Variants in FAM227B observed in about 807,000 individuals in gnomAD.
FAM227B encodes the protein protein FAM227B.
FAM227B carries 88 observed loss-of-function variants against 73.8 expected under a neutral mutation model. The observed-to-expected ratio is 1.19, with a 90% CI of 1.00 to 1.42. The LOEUF (loss-of-function observed/expected upper bound fraction) is 1.42, where lower values mean the gene tolerates loss of function less well. FAM227B is among the 40% of genes most tolerant of loss of function. FAM227B has a pLI of 0.00. For synonymous variants in FAM227B, 210 were observed against 190.5 expected (o/e 1.10, Z -0.84); for missense variants, 632 against 590.9 (o/e 1.07, Z -0.72).
intron 11 of FAM227B, among the ~76,000 whole-genome samples, chr15:49,393,660 G>A (rs1168983848): frequency 2.0e-5 from 3 of 152,006 alleles, no homozygotes; most frequent in Non-Finnish European, 4.4e-5. Flanking sequence ...ATACAATAAG[G>A]ATTGGCTCTT....
chr15:49,371,671 A>AATAAATAAATGAAATAAAATTCACTT (rs1567171677), intron 11 of FAM227B, among the ~76,000 whole-genome samples: 98 of 145,746 alleles, frequency 6.7e-4, no homozygotes, highest in Non-Finnish European at 1.0e-3. Flanking sequence ...AAAATTCACT[A>AATAAATAAATGAAATAAAATTCACTT]ATAAATAAAT....
At chr15:49,357,357 AAG>A (rs1234332945) in intron 13 of FAM227B, among the ~76,000 whole-genome samples, 1 of 149,646 alleles carries the variant, frequency 6.7e-6, no homozygotes, top group Non-Finnish European at 1.5e-5. Flanking sequence ...TAAAGAAAAA[AAG>A]AGAGAAGAAT....
At chr15:49,567,213 C>T (rs1174274403) in intron 9 of FAM227B, among the ~76,000 whole-genome samples, 2 of 152,092 alleles carry the variant, frequency 1.3e-5, no homozygotes, top group Admixed American at 1.3e-4. Flanking sequence ...CATGCCTAAT[C>T]ATTAACTTTT....
chr15:49,571,400 T>C (rs1327439461), intron 8 of FAM227B, among the ~76,000 whole-genome samples: 1 of 151,996 alleles, frequency 6.6e-6, no homozygotes, highest in Admixed American at 6.6e-5. Context: ...TGCCTGTACA[T>C]TTGGCTTCAT....
At chr15:49,442,319 G>T (rs2051735589) in intron 11 of FAM227B, among the ~76,000 whole-genome samples, 1 of 151,484 alleles carries the variant, frequency 6.6e-6, no homozygotes, top group African/African-American at 2.4e-5. Flanking sequence ...CCATTCTTCA[G>T]GGCCCAGATT....
At chr15:49,413,390 TC>T (rs1290393279) in intron 11 of FAM227B, among the ~76,000 whole-genome samples, 1 of 152,104 alleles carries the variant, frequency 6.6e-6, no homozygotes, top group East Asian at 1.9e-4. Flanking sequence ...TTGTGAGGCC[TC>T]CCCAACCATG....
chr15:49,469,888 G>A (rs1225785254), intron 11 of FAM227B, among the ~76,000 whole-genome samples: 1 of 151,938 alleles, frequency 6.6e-6, no homozygotes, highest in East Asian at 1.9e-4. Context: ...AATGAGAAAT[G>A]GTGATAAAGA....
intron 2 of FAM227B, among the ~76,000 whole-genome samples, chr15:49,612,080 T>A (rs1379335591): frequency 2.0e-5 from 3 of 151,844 alleles, no homozygotes; most frequent in Non-Finnish European, 4.4e-5. Context: ...AGCCGGCCAA[T>A]TCCTTGGAGA....
intron 11 of FAM227B, chr15:49,422,632 G>C (rs113493002): frequency 0.025 from 27,102 of 1,094,186 alleles, 909 homozygotes; most frequent in South Asian, 0.12. Flanking sequence ...CTGAGACTCT[G>C]GAACAGCAGG....
At chr15:49,602,841 T>C (rs1567683164) in intron 3 of FAM227B, among the ~76,000 whole-genome samples, 1 of 152,122 alleles carries the variant, frequency 6.6e-6, no homozygotes, top group Non-Finnish European at 1.5e-5. Flanking sequence ...GAGATAGGGG[T>C]CTAGTTTCAT....
chr15:49,539,529 G>A (rs918669850), intron 10 of FAM227B, among the ~76,000 whole-genome samples: 2 of 152,164 alleles, frequency 1.3e-5, no homozygotes, highest in Non-Finnish European at 2.9e-5. Context: ...GGTGCCTGTG[G>A]TGCAGGTCCC....
chr15:49,540,973 T>C (rs754913660), intron 10 of FAM227B, among the ~76,000 whole-genome samples: 10 of 152,178 alleles, frequency 6.6e-5, no homozygotes, highest in Admixed American at 1.3e-4. Flanking sequence ...CATTTTCTTA[T>C]AAAAGTGATT....
At chr15:49,401,997 A>T (rs995969311) in intron 11 of FAM227B, among the ~76,000 whole-genome samples, 8 of 152,018 alleles carry the variant, frequency 5.3e-5, no homozygotes, top group Non-Finnish European at 8.8e-5. Flanking sequence ...AACTTAAAGT[A>T]TAATAAAAAG....
chr15:49,432,174 T>C (rs759565589), intron 11 of FAM227B, among the ~76,000 whole-genome samples: 2 of 151,738 alleles, frequency 1.3e-5, no homozygotes, highest in Non-Finnish European at 3.0e-5. Context: ...ATCTGGCTAC[T>C]TGAACTTTAG....
intron 11 of FAM227B, among the ~76,000 whole-genome samples, chr15:49,472,838 G>A (rs1567344502): frequency 6.6e-6 from 1 of 152,212 alleles, no homozygotes; most frequent in Non-Finnish European, 1.5e-5. Flanking sequence ...AAAGTTACAT[G>A]ACATTACAGA....
At chr15:49,603,761 C>T (rs1431407353) in intron 3 of FAM227B, among the ~76,000 whole-genome samples, 1 of 152,168 alleles carries the variant, frequency 6.6e-6, no homozygotes, top group Non-Finnish European at 1.5e-5. Flanking sequence ...TTCAGCTCTT[C>T]TCCATTCAGT....
chr15:49,434,246 C>T (rs563903434), intron 11 of FAM227B: 1 of 151,604 alleles, frequency 6.6e-6, no homozygotes, highest in Admixed American at 6.6e-5. Context: ...CCTTTGTTTG[C>T]ATGAATAATG....
intron 11 of FAM227B, among the ~76,000 whole-genome samples, chr15:49,493,958 C>A (rs2057360692): frequency 6.6e-6 from 1 of 151,092 alleles, no homozygotes; most frequent in Admixed American, 6.6e-5. Flanking sequence ...TTAATAAAAT[C>A]CATGCTTCAA....
chr15:49,515,913 C>A (rs534675498), intron 10 of FAM227B, among the ~76,000 whole-genome samples: 231 of 152,034 alleles, frequency 1.5e-3, no homozygotes, highest in African/African-American at 5.3e-3. Flanking sequence ...CCTCCGTTGC[C>A]CTGAATCAGC....
Sources: gnomAD v4.1 joint callset for allele counts (sites outside exome capture counted in the v4.1 genomes callset) on GRCh38, gnomAD v4.1.1 for gene constraint, MANE v1.5 for transcripts, NCBI Gene and HGNC (gene_info 2026-07-23, HGNC 2026-07-21) for gene names.